The following TCTN1 variants were observed in gnomAD, a reference collection of about 807,000 sequenced individuals.
TCTN1 encodes the protein tectonic family member 1.
Under a neutral mutation model 65.8 loss-of-function variants are expected in TCTN1, and 58 were observed. That is an observed-to-expected ratio of 0.88 (90% CI 0.71 to 1.10). The LOEUF (loss-of-function observed/expected upper bound fraction) is 1.10, where lower values mean the gene tolerates loss of function less well. Among genes scored for constraint, TCTN1 ranks in the 50% least tolerant of loss-of-function variants. The pLI, the probability that TCTN1 is intolerant of heterozygous loss-of-function variation, is 0.00. For synonymous variants in TCTN1, 273 were observed against 289.1 expected (o/e 0.94, Z 0.57); for missense variants, 645 against 719.4 (o/e 0.90, Z 1.18).
At position 110,640,437 on chromosome 12, in the gene TCTN1, C is replaced by A; in HGVS notation, c.898C>A (p.Arg300=). The A allele has an allele frequency of 1.2e-6, 2 of 1,614,148 alleles. No individual in the cohort carries two copies. Among genetic ancestry groups the A allele is most frequent in the Non-Finnish European group, 1.7e-6 (2 of 1,180,030 alleles). ...VIQSLNKTLT[R]REDTDVLQPT... ...TCAGTCTCTAAATAAAACGCTCACC[C>A]GACGGGAGGACACTGATGTGCTGCA... The change falls in exon 8 of 15, where the codon CGA becomes AGA. Residue 300 remains arginine (R), a synonymous_variant. Transcript: ENST00000397659. This position sits in a 1 kb window ranked among gnomAD's most constrained non-coding sequence, Gnocchi z 4.9.
intron 14 of TCTN1, 56 bp downstream of exon 14, chr12:110,647,949 C>T (rs1477278049): frequency 3.0e-5 from 49 of 1,608,558 alleles, no homozygotes; most frequent in Admixed American, 1.2e-4. Context: ...AAAGTGTGCA[C>T]GTGGGGCTAG....
intron 12 of TCTN1, chr12:110,646,144 C>T (rs2067285004): frequency 6.6e-6 from 1 of 152,206 alleles, no homozygotes; most frequent in Admixed American, 6.5e-5. Flanking sequence ...CTCAGAGGGC[C>T]TGCAGCAGCA....
At chr12:110,615,723 A>G (rs886300555) in intron 1 of TCTN1, among the ~76,000 whole-genome samples, 2 of 152,114 alleles carry the variant, frequency 1.3e-5, no homozygotes, top group African/African-American at 4.8e-5. Context: ...GGCTCAAGTG[A>G]TCCTCCCACC....
intron 14 of TCTN1, 185 bp from the exon 15 acceptor site, chr12:110,648,858 G>C (rs917566602): frequency 2.7e-6 from 1 of 374,458 alleles, no homozygotes; most frequent in Admixed American, 4.1e-5. Context: ...GAGGAAAAAT[G>C]TTGTCAGGTG....
Position 110,640,949 on chromosome 12 carries a change from G to A in TCTN1, c.979-75G>A, listed in dbSNP as rs1304195298. The A allele has an allele frequency of 6.3e-7, 1 of 1,591,516 alleles. No individual in the cohort carries two copies. Among genetic ancestry groups the A allele is most frequent in the Non-Finnish European group, 8.6e-7 (1 of 1,161,032 alleles). ...AAACAGGGAAAGATTTGCTATCTAT[G>A]GGTGTTTTCAGTTATTCATACAGCT... is the stretch of plus-strand genomic sequence containing the variant. On this transcript the variant is annotated intron_variant, in intron 8 of 14. Transcript: ENST00000397659. The surrounding 1 kb of genome is among the most constrained non-coding windows in gnomAD (Gnocchi z 4.9).
intron 1 of TCTN1, among the ~76,000 whole-genome samples, chr12:110,615,007 G>A (rs1034133568): frequency 2.0e-5 from 3 of 152,144 alleles, no homozygotes; most frequent in Admixed American, 2.0e-4. Context: ...CTAATTTGAC[G>A]TTTGGCTGGC....
At position 110,649,270 on chromosome 12, in the gene TCTN1, C is replaced by G. The variant is rs1262683421; in HGVS notation, c.*229C>G. On this transcript the variant is annotated 3_prime_UTR_variant, in exon 15 of 15. Coordinates refer to ENST00000397659, the MANE Select transcript of TCTN1 (RefSeq NM_001082538.3). Reference sequence around the variant, plus strand: ...GACCTTCCACAAGGCTGTGTCCACCCAGAATCCATGCTGGCAGGAGGGAGG... The same window carrying G: ...GACCTTCCACAAGGCTGTGTCCACCGAGAATCCATGCTGGCAGGAGGGAGG... 2 of 710,916 alleles carry G rather than the reference C, an allele frequency of 2.8e-6. No homozygotes were observed. Among genetic ancestry groups the G allele is most frequent in the Non-Finnish European group, 5.1e-6 (2 of 393,608 alleles). 44.0% of individuals were successfully genotyped at this position (710,916 alleles called of 1,614,324 possible). A position where few individuals can be genotyped will look rare whatever the true frequency, so the allele number is the denominator to read the frequency against.
intron 7 of TCTN1, among the ~76,000 whole-genome samples, chr12:110,638,648 C>T (rs888438960): frequency 6.6e-5 from 10 of 152,144 alleles, no homozygotes; most frequent in East Asian, 1.9e-4. Context: ...GCTGTCGAGA[C>T]GAGGGCAGCT....
At chr12:110,634,939 T>C (rs2136072811) in intron 6 of TCTN1, 160 bp downstream of exon 6, 1 of 564,728 alleles carries the variant, frequency 1.8e-6, no homozygotes, top group Non-Finnish European at 3.1e-6. Flanking sequence ...AATAATCCTT[T>C]AAATAATTTT....
intron 13 of TCTN1, 56 bp downstream of exon 13, chr12:110,647,392 A>G: frequency 6.2e-7 from 1 of 1,604,104 alleles, no homozygotes; most frequent in African/African-American, 1.3e-5. Flanking sequence ...GACACAACTC[A>G]AGTGTGGTAG....
chr12:110,630,075 G>A (rs1263314217), intron 4 of TCTN1: 2 of 152,190 alleles, frequency 1.3e-5, no homozygotes, highest in Admixed American at 6.5e-5. Flanking sequence ...GCCTGTCAGA[G>A]GGTGGTGGGC....
intron 6 of TCTN1, among the ~76,000 whole-genome samples, chr12:110,635,093 G>A (rs903337233): frequency 1.3e-5 from 2 of 152,104 alleles, no homozygotes; most frequent in South Asian, 4.1e-4. Flanking sequence ...ACATCTTCAT[G>A]TCTGTGACAG....
intron 1 of TCTN1, among the ~76,000 whole-genome samples, chr12:110,616,543 G>C (rs2065049253): frequency 6.6e-6 from 1 of 152,114 alleles, no homozygotes; most frequent in Non-Finnish European, 1.5e-5. Flanking sequence ...ACTGCACTCT[G>C]CCAGTCACCT....
Position 110,628,653 on chromosome 12 carries a change from G to GT in TCTN1, c.473-108dup, listed in dbSNP as rs560416779. 1.8e-4 allele frequency: 178 copies of GT among 978,388 alleles called. No homozygotes were observed. The African/African-American group carries it at 2.4e-3, about 13-fold the overall frequency. The allele number at this position is 978,388 out of a possible 1,614,324, so 60.6% of individuals were successfully genotyped here. A position where few individuals can be genotyped will look rare whatever the true frequency, so the allele number is the denominator to read the frequency against. On this transcript the variant is annotated intron_variant, in intron 3 of 14. Coordinates refer to ENST00000397659, the MANE Select transcript of TCTN1 (RefSeq NM_001082538.3). ...CATGCGCCCAGCCAAGACACTATTT[G>GT]TTTTTTACATCAGCCTTGATGCTAT...
intron 4 of TCTN1, chr12:110,629,288 C>T (rs1024007314): frequency 1.7e-5 from 5 of 292,140 alleles, no homozygotes; most frequent in South Asian, 7.6e-5. Flanking sequence ...GCAAAAGAAA[C>T]TATCATCAGA....
chr12:110,647,780 T>C lies in TCTN1; in HGVS notation c.1667T>C (p.Ile556Thr). ...TCAGGAAATGAAAGGACGATTCTTA[T>C]TTCCACTGCGGTTACTTTTGTGGAT... ...ANSGNERTIL[I>T]STAVTFVDVS... Residue 556 changes from isoleucine (I) to threonine (T), a missense_variant, in exon 14 of 15, where the codon ATT becomes ACT. Physicochemically the swap from Ile to Thr is moderately conservative, Grantham distance 89 (BLOSUM62 -1). Transcript: ENST00000397659. 2 of 1,614,228 alleles carry C rather than the reference T, an allele frequency of 1.2e-6. No individual in the cohort carries two copies. The highest frequency in any genetic ancestry group is 1.1e-5 in the South Asian group (1 of 91,086).
chr12:110,614,507 T>A, intron 1 of TCTN1, 105 bp downstream of exon 1: 3 of 1,537,916 alleles, frequency 2.0e-6, no homozygotes, highest in Non-Finnish European at 2.6e-6. Flanking sequence ...GAGCACTTAC[T>A]GTGTGCAGAC....
chr12:110,634,286 G>C (rs1356598198), intron 5 of TCTN1: 3 of 412,870 alleles, frequency 7.3e-6, no homozygotes, highest in Admixed American at 5.1e-5. Context: ...GGTGGTAGCT[G>C]GGGGGCAGGA....
chr12:110,644,950 C>A lies in TCTN1; in HGVS notation c.1332-17C>A, dbSNP rs763909645. 5 of 1,614,074 alleles carry A rather than the reference C, an allele frequency of 3.1e-6. No homozygotes were observed. The highest frequency in any genetic ancestry group is 1.6e-4 in the Middle Eastern group (1 of 6,084). ...AACAACAGCCTCATTCAGTTGACTT[C>A]TTTTTCCTTCACCAAGACTGACTGG... is the stretch of plus-strand genomic sequence containing the variant. On this transcript the variant is annotated splice_polypyrimidine_tract_variant and intron_variant, in intron 11 of 14. Coordinates refer to ENST00000397659, the MANE Select transcript of TCTN1 (RefSeq NM_001082538.3). This position sits in a 1 kb window ranked among gnomAD's most constrained non-coding sequence, Gnocchi z 4.6.
Sources: gnomAD v4.1 joint callset for allele counts (sites outside exome capture counted in the v4.1 genomes callset) on GRCh38, gnomAD v4.1.1 for gene constraint, Gnocchi (gnomAD v3.1) non-coding constraint, MANE v1.5 for transcripts, NCBI Gene and HGNC (gene_info 2026-07-23, HGNC 2026-07-21) for gene names.